SLC44A2: variants seen among roughly 807,000 people sequenced by gnomAD.
SLC44A2 encodes solute carrier family 44 member 2 (CTL2 blood group), also known as choline transporter-like protein 2.
A neutral mutation model predicts 90.8 loss-of-function variants in SLC44A2; 57 were observed. That is an observed-to-expected ratio of 0.63 (90% CI 0.51 to 0.78). The LOEUF (loss-of-function observed/expected upper bound fraction) is 0.78. Among genes scored for constraint, SLC44A2 ranks in the 30% least tolerant of loss-of-function variants. SLC44A2 has a pLI of 0.00. For missense variants in SLC44A2, 794 were observed against 919.7 expected (o/e 0.86, Z 1.77); for synonymous variants, 355 against 360.7 (o/e 0.98, Z 0.18).
chr19:10,634,713 G>T (rs1191831542), intron 10 of SLC44A2, 43 bp from the exon 11 acceptor site: 7 of 1,611,718 alleles, frequency 4.3e-6, no homozygotes, highest in Admixed American at 1.7e-5. Context: ...TTGCAAAGTT[G>T]CAGGAGGCAC....
At chr19:10,616,321 C>A (rs1052770240) in intron 1 of SLC44A2, among the ~76,000 whole-genome samples, 7 of 152,060 alleles carry the variant, frequency 4.6e-5, no homozygotes, top group Non-Finnish European at 5.9e-5. Flanking sequence ...ACCTCCGTCT[C>A]CCCCGGCTCA....
chr19:10,605,584 G>A (rs2144798006), intron 1 of SLC44A2, among the ~76,000 whole-genome samples: 1 of 152,264 alleles, frequency 6.6e-6, no homozygotes, highest in Non-Finnish European at 1.5e-5. Context: ...CTACTCGGGA[G>A]GCTGAGGCCG....
chr19:10,621,438 T>G (rs1169944555), upstream of SLC44A2, among the ~76,000 whole-genome samples: 2 of 141,180 alleles, frequency 1.4e-5, no homozygotes, highest in East Asian at 2.0e-4. Flanking sequence ...TTTTTTTTTT[T>G]TTTGGTTTTT....
chr19:10,631,863 C>G lies in SLC44A2; in HGVS notation c.627-5C>G, dbSNP rs770685873. 8.1e-6 allele frequency: 13 copies of G among 1,614,244 alleles called. No homozygotes were observed. The highest frequency in any genetic ancestry group is 1.1e-5 in the Non-Finnish European group (13 of 1,180,040). On this transcript the variant is annotated splice_region_variant and splice_polypyrimidine_tract_variant and intron_variant, in intron 8 of 21. Transcript: ENST00000335757. ...CTGACCCGAGCCTTGTCCTCCTTCC[C>G]CCAGGAAAGCCAATGGAGTCCTAGA...
chr19:10,625,438 C>T, upstream of SLC44A2: 1 of 1,208,956 alleles, frequency 8.3e-7, no homozygotes, highest in Non-Finnish European at 1.0e-6. Context: ...GCAGCCCCGC[C>T]CGCGCCCTCC....
upstream of SLC44A2, among the ~76,000 whole-genome samples, chr19:10,624,635 C>T (rs2066915637): frequency 6.6e-6 from 1 of 152,228 alleles, no homozygotes; most frequent in African/African-American, 2.4e-5. Flanking sequence ...ATACTTTAGC[C>T]TCATTTTGCA....
upstream of SLC44A2, chr19:10,602,480 C>T: frequency 8.4e-7 from 1 of 1,189,362 alleles, no homozygotes; most frequent in Non-Finnish European, 1.0e-6. Flanking sequence ...TCCCGCCCGC[C>T]CGGGCTGGGG....
intron 1 of SLC44A2, among the ~76,000 whole-genome samples, chr19:10,610,477 G>GC (rs1212812498): frequency 7.5e-6 from 1 of 133,612 alleles, no homozygotes; most frequent in Non-Finnish European, 1.6e-5. Context: ...GATTACAGGC[G>GC]CCCGCCACCA....
intron 12 of SLC44A2, 26 bp downstream of exon 12, chr19:10,635,099 A>T: frequency 1.9e-6 from 3 of 1,613,854 alleles, no homozygotes; most frequent in Non-Finnish European, 2.5e-6. Flanking sequence ...GCCAGGGGCC[A>T]GGATGGAGCT....
chr19:10,640,164 C>T (rs1429857916), intron 20 of SLC44A2, among the ~76,000 whole-genome samples: 1 of 143,126 alleles, frequency 7.0e-6, no homozygotes, highest in Non-Finnish European at 1.5e-5. Flanking sequence ...GATCTCTGCT[C>T]ACCACAACCT....
At position 10,617,249 on chromosome 19, in the gene SLC44A2, T is replaced by C. The variant is rs73923262; in HGVS notation, c.32-9004T>C. Among the ~76,000 whole-genome samples, 562 of 152,234 alleles carry C rather than the reference T, an allele frequency of 3.7e-3. 6 individuals are homozygous for C. Among genetic ancestry groups the C allele is most frequent in the African/African-American group, 0.011 (468 of 41,550 alleles). ...TTCTTCTTCTTATCTTGCAGCATTG[T>C]TGCAAAGATATAGCGAGTTCCCATC... On this transcript the variant is annotated intron_variant, in intron 1 of 21. Transcript: ENST00000407327.
At position 10,627,708 on chromosome 19, in the gene SLC44A2, C is replaced by A. The variant is rs761171881; in HGVS notation, c.87-14C>A. 6 of 1,612,608 alleles carry A rather than the reference C, an allele frequency of 3.7e-6. No individual in the cohort carries two copies. The highest frequency in any genetic ancestry group is 2.2e-5 in the South Asian group (2 of 90,984). On this transcript the variant is annotated splice_polypyrimidine_tract_variant and intron_variant, in intron 2 of 21. Coordinates refer to ENST00000335757, the MANE Select transcript of SLC44A2 (RefSeq NM_020428.4). The stretch of plus-strand genomic sequence containing the variant: ...CACCAAGCCTCCTCCAAACACTGCC[C>A]CTCTGCTCCCCAGGGGCTGCACGGA...
chr19:10,612,600 G>A (rs1324591180), intron 1 of SLC44A2, among the ~76,000 whole-genome samples: 1 of 152,248 alleles, frequency 6.6e-6, no homozygotes, highest in Non-Finnish European at 1.5e-5. Flanking sequence ...GTGGCTGGCT[G>A]TACGGGTGAG....
At chr19:10,609,272 T>C (rs1399462894) in intron 1 of SLC44A2, among the ~76,000 whole-genome samples, 2 of 151,654 alleles carry the variant, frequency 1.3e-5, no homozygotes, top group East Asian at 1.9e-4. Context: ...ACATTTTAAA[T>C]TGAAGTATAA....
rs950921901 is a variant in SLC44A2 at position 10,640,403 on chromosome 19, TG to T, written c.1930-1963del. ...CCTGTGCCTGGCCATTTCATTGTTT[TG>T]AATTTTTAATTTAATATAATAGAGA... On this transcript the variant is annotated intron_variant, in intron 20 of 21. Coordinates refer to ENST00000335757, the MANE Select transcript of SLC44A2 (RefSeq NM_020428.4). Among the ~76,000 whole-genome samples, 6 of 152,206 alleles carry T rather than the reference TG, an allele frequency of 3.9e-5. 1 individual carries two copies. The highest frequency in any genetic ancestry group is 8.8e-5 in the Non-Finnish European group (6 of 68,038).
intron 17 of SLC44A2, 47 bp from the exon 18 acceptor site, chr19:10,637,809 C>T (rs1484595103): frequency 1.9e-6 from 3 of 1,613,216 alleles, no homozygotes; most frequent in Non-Finnish European, 1.7e-6. Context: ...GGACCACCCC[C>T]CATGCCCACC....
chr19:10,625,678 G>A lies in SLC44A2; in HGVS notation c.37+8G>A. 5 of 1,249,754 alleles carry A rather than the reference G, an allele frequency of 4.0e-6. No homozygotes were observed. Among genetic ancestry groups the A allele is most frequent in the Non-Finnish European group, 4.0e-6 (4 of 991,236 alleles). The allele number at this position is 1,249,754 out of a possible 1,614,324, so 77.4% of individuals were successfully genotyped here. On this transcript the variant is annotated splice_region_variant and intron_variant, in intron 1 of 21. Coordinates refer to ENST00000335757, the MANE Select transcript of SLC44A2 (RefSeq NM_020428.4). ...ACTACTACGGGAAACACGGTAGGCA[G>A]CGACCCCCGCCCGTAGCCCCGGGCC...
chr19:10,611,249 C>T (rs894911649), intron 1 of SLC44A2, among the ~76,000 whole-genome samples: 5 of 151,544 alleles, frequency 3.3e-5, no homozygotes, highest in African/African-American at 9.7e-5. Context: ...GTCAGGAGTT[C>T]GAGACCAGCC....
chr19:10,638,517 C>T (rs1410821545), intron 20 of SLC44A2, among the ~76,000 whole-genome samples: 1 of 152,172 alleles, frequency 6.6e-6, no homozygotes, highest in Non-Finnish European at 1.5e-5. Flanking sequence ...AATCTTGACT[C>T]ACTGCAACCT....
Sources: gnomAD v4.1 joint callset for allele counts (sites outside exome capture counted in the v4.1 genomes callset) on GRCh38, gnomAD v4.1.1 for gene constraint, MANE v1.5 for transcripts, NCBI Gene and HGNC (gene_info 2026-07-23, HGNC 2026-07-21) for gene names.